Variants in KAZN observed in about 807,000 individuals in gnomAD.
The protein encoded by KAZN is kazrin, periplakin interacting protein.
Under a neutral mutation model 87.4 loss-of-function variants are expected in KAZN, and 40 were observed. The observed-to-expected ratio is 0.46, with a 90% CI of 0.36 to 0.60. The LOEUF (loss-of-function observed/expected upper bound fraction) is 0.60, where lower values mean the gene tolerates loss of function less well. KAZN is among the 20% of genes least tolerant of loss of function. The pLI is 0.00. For missense variants in KAZN, 898 were observed against 1,073.9 expected (o/e 0.84, Z 2.29); for synonymous variants, 466 against 458.3 (o/e 1.02, Z -0.22).
At chr1:14,639,362 A>G (rs1680251994) in intron 1 of KAZN, among the ~76,000 whole-genome samples, 1 of 152,238 alleles carries the variant, frequency 6.6e-6, no homozygotes, top group Admixed American at 6.5e-5. Context: ...AATGCGATGC[A>G]GAATACAAAC....
At chr1:14,705,373 G>T (rs964298007) in intron 1 of KAZN, among the ~76,000 whole-genome samples, 6 of 152,170 alleles carry the variant, frequency 3.9e-5, no homozygotes, top group Admixed American at 2.0e-4. Flanking sequence ...CAGTATGGAG[G>T]TTCCTCCAAA....
At chr1:14,131,504 C>T (rs1305403579) in intron 1 of KAZN, among the ~76,000 whole-genome samples, 3 of 152,098 alleles carry the variant, frequency 2.0e-5, no homozygotes, top group Non-Finnish European at 4.4e-5. Flanking sequence ...TTCTCCAGCA[C>T]ATTAGATATA....
intron 2 of KAZN, among the ~76,000 whole-genome samples, chr1:14,368,534 A>C (rs945829202): frequency 6.6e-5 from 10 of 152,268 alleles, no homozygotes; most frequent in East Asian, 5.8e-4. Flanking sequence ...GCCTGCTAAC[A>C]ACCCATGGGA....
At chr1:14,806,082 AG>A (rs1646210472) in intron 1 of KAZN, among the ~76,000 whole-genome samples, 1 of 152,200 alleles carries the variant, frequency 6.6e-6, no homozygotes, top group Admixed American at 6.5e-5. Flanking sequence ...CATAAATGTG[AG>A]GGCATGGCCT....
intron 2 of KAZN, among the ~76,000 whole-genome samples, chr1:14,197,594 A>C (rs1424639068): frequency 6.6e-6 from 1 of 152,130 alleles, no homozygotes; most frequent in Non-Finnish European, 1.5e-5. Flanking sequence ...AGGCTGAGAC[A>C]GGAGAATCGT....
chr1:14,725,232 ATTC>A (rs1396826233), intron 1 of KAZN, among the ~76,000 whole-genome samples: 1 of 152,108 alleles, frequency 6.6e-6, no homozygotes, highest in Non-Finnish European at 1.5e-5. Context: ...AGTCTGGAAT[ATTC>A]TTCTCCCTCC....
intron 1 of KAZN, among the ~76,000 whole-genome samples, chr1:14,635,498 G>A (rs896275443): frequency 2.5e-4 from 38 of 152,272 alleles, no homozygotes; most frequent in African/African-American, 5.1e-4. Context: ...GGTGCCTCGC[G>A]GCTCTAGGTC....
chr1:14,420,027 CT>C (rs931446498), intron 2 of KAZN, among the ~76,000 whole-genome samples: 1 of 152,196 alleles, frequency 6.6e-6, no homozygotes, highest in Non-Finnish European at 1.5e-5. Context: ...CACCCACATC[CT>C]GCTGATTGGT....
chr1:14,168,852 G>A (rs142875892), intron 1 of KAZN, among the ~76,000 whole-genome samples: 1 of 152,254 alleles, frequency 6.6e-6, no homozygotes, highest in Non-Finnish European at 1.5e-5. Flanking sequence ...TGTGTGACAA[G>A]GAAATGCAAT....
In KAZN at chr1:14,610,916, T is replaced by C. The variant is rs78168895; in HGVS notation, c.226+11693T>C. ...TTTGGGTTAATATGCAACCAAAATA[T>C]GTTGGTTTGAATTCTCCAGCTAACC... On this transcript the variant is annotated intron_variant, in intron 1 of 14. Transcript: ENST00000376030. Among the ~76,000 whole-genome samples, 3 of 152,216 alleles carry C rather than the reference T, an allele frequency of 2.0e-5. No homozygotes were observed. In the East Asian group the frequency reaches 5.8e-4, roughly 29 times the overall value.
At chr1:14,323,223 T>A (rs1390742178) in intron 2 of KAZN, among the ~76,000 whole-genome samples, 1 of 152,038 alleles carries the variant, frequency 6.6e-6, no homozygotes, top group Non-Finnish European at 1.5e-5. Context: ...TAGCTCTTAG[T>A]GGCTTTGGCT....
intron 2 of KAZN, among the ~76,000 whole-genome samples, chr1:15,004,248 C>G (rs564343244): frequency 2.6e-4 from 40 of 152,296 alleles, no homozygotes; most frequent in Non-Finnish European, 5.0e-4. Context: ...TCCCCTGTCA[C>G]AGTTAGTTGG....
intron 2 of KAZN, among the ~76,000 whole-genome samples, chr1:14,439,189 T>G (rs574398704): frequency 6.6e-6 from 1 of 152,356 alleles, no homozygotes; most frequent in East Asian, 1.9e-4. Flanking sequence ...CAGAAGATGC[T>G]GACCACAGAT....
At chr1:14,391,002 GA>G (rs377431928) in intron 2 of KAZN, among the ~76,000 whole-genome samples, 2 of 152,226 alleles carry the variant, frequency 1.3e-5, no homozygotes, top group African/African-American at 4.8e-5. Context: ...AGAGTGAGGT[GA>G]AAGCCCTTGA....
chr1:14,644,002 C>CTTTTTTTTTTTT (rs34535562), intron 1 of KAZN, among the ~76,000 whole-genome samples: 1 of 60,344 alleles, frequency 1.7e-5, no homozygotes, highest in Non-Finnish European at 3.0e-5. Context: ...CCTTTGCCCA[C>CTTTTTTTTTTTT]TTTTTTTTTT....
intron 1 of KAZN, among the ~76,000 whole-genome samples, chr1:14,878,013 T>C (rs1391937317): frequency 1.3e-5 from 2 of 152,086 alleles, no homozygotes; most frequent in African/African-American, 2.4e-5. Context: ...AGTGGCAAAG[T>C]GGAAAGACGA....
intron 1 of KAZN, among the ~76,000 whole-genome samples, chr1:14,073,724 A>C (rs935511718): frequency 2.0e-5 from 3 of 152,190 alleles, no homozygotes; most frequent in Admixed American, 2.0e-4. Flanking sequence ...TGCAAAGGAC[A>C]TGAACTCATC....
chr1:14,585,443 T>A (rs535243087), intron 2 of KAZN, among the ~76,000 whole-genome samples: 1 of 152,296 alleles, frequency 6.6e-6, no homozygotes, highest in East Asian at 1.9e-4. Flanking sequence ...TCAGGTTTGC[T>A]CCATATGTCT....
chr1:14,135,598 C>T (rs950546780), intron 1 of KAZN, among the ~76,000 whole-genome samples: 2 of 152,176 alleles, frequency 1.3e-5, no homozygotes, highest in African/African-American at 4.8e-5. Context: ...AGAAATTCCC[C>T]TTCAGAGGCA....
Sources: allele counts gnomAD v4.1 joint callset (sites outside exome capture counted in the v4.1 genomes callset), GRCh38; gene constraint gnomAD v4.1.1; transcripts MANE v1.5; gene names NCBI Gene and HGNC (gene_info 2026-07-23, HGNC 2026-07-21).